ZNF101: variants seen among roughly 807,000 people sequenced by gnomAD.
ZNF101 encodes zinc finger protein 101.
A neutral mutation model predicts 42.6 loss-of-function variants in ZNF101; 34 were observed. That is an observed-to-expected ratio of 0.80 (90% confidence interval 0.61 to 1.06). The LOEUF is 1.06. ZNF101 is among the 50% of genes least tolerant of loss of function. The pLI is 0.00. For synonymous variants in ZNF101, 158 were observed against 183.9 expected (o/e 0.86, Z 1.14); for missense variants, 466 against 530.9 (o/e 0.88, Z 1.20).
rs1217686762 is a variant in ZNF101 at position 19,677,908 on chromosome 19, G to A, written c.48G>A (p.Glu16=). ...FEDVAVNFTQ[E]EWALLSPSQK... is the part of the protein sequence containing the mutation. ...ATGTGGCTGTGAACTTCACCCAGGA[G>A]GAGTGGGCTTTGCTGAGTCCTTCCC... Residue 16 remains glutamate, a synonymous_variant, in exon 2 of 4, where the codon GAG becomes GAA. Transcript: ENST00000592502. 1 of 1,612,594 alleles carries A rather than the reference G, an allele frequency of 6.2e-7. No homozygotes were observed. Among genetic ancestry groups the A allele is most frequent in the South Asian group, 1.1e-5 (1 of 91,064 alleles).
rs770033379 is a variant in ZNF101, at chr19:19,678,074, A to T, written c.130+84A>T. On this transcript the variant is annotated intron_variant, in intron 2 of 3. Coordinates refer to ENST00000592502, the MANE Select transcript of ZNF101 (RefSeq NM_033204.4). ...TGTGGTTGCACAGTTTGGAATGTGG[A>T]AAGAGAATACGTTGGTGAATAAATG... 49 of 1,561,626 alleles carry T rather than the reference A, an allele frequency of 3.1e-5. 1 individual carries two copies. In the Middle Eastern group the frequency reaches 1.4e-3, roughly 44 times the overall value.
chr19:19,681,453 A>ATG lies in ZNF101; in HGVS notation c.*1153_*1154insTG, dbSNP rs1233798477. The ATG allele has an allele frequency of 6.6e-6, 1 of 152,238 alleles. No individual in the cohort carries two copies. Among genetic ancestry groups the ATG allele is most frequent in the Non-Finnish European group, 1.5e-5 (1 of 68,050 alleles). The allele number at this position is 152,238 out of a possible 1,614,324, so 9.4% of individuals were successfully genotyped here. A position where few individuals can be genotyped will look rare whatever the true frequency, so the allele number is the denominator to read the frequency against. ...TACAGGAAACTTCCATTTTAACAAT[A>ATG]ATTAAAATTCACATGGGCTGTGCAC... On this transcript the variant is annotated 3_prime_UTR_variant, in exon 4 of 4. Transcript: ENST00000592502.
chr19:19,679,483 G>T lies in ZNF101; in HGVS notation c.494G>T (p.Arg165Leu). Reference protein sequence around the residue: ...SGARRTVTPTRKRPYECKVCG... With the variant: ...SGARRTVTPTLKRPYECKVCG... ...GCACGGCGCACAGTAACACCAACTCGAAAGAGACCTTATGAATGCAAGGTG... is the reference window on the plus strand; with the variant it reads ...GCACGGCGCACAGTAACACCAACTCTAAAGAGACCTTATGAATGCAAGGTG... The change falls in exon 4 of 4, where the codon CGA becomes CTA. Residue 165 changes from arginine (R) to leucine (L), a missense_variant. Physicochemically the swap from Arg to Leu is moderately radical, Grantham distance 102. Coordinates refer to ENST00000592502, the MANE Select transcript of ZNF101 (RefSeq NM_033204.4). The T allele has an allele frequency of 1.2e-6, 2 of 1,614,098 alleles. No individual in the cohort carries two copies. The highest frequency in any genetic ancestry group is 1.7e-6 in the Non-Finnish European group (2 of 1,180,028).
chr19:19,676,376 A>G (rs2062203050), intron 1 of ZNF101: 1 of 151,758 alleles, frequency 6.6e-6, no homozygotes, highest in Non-Finnish European at 1.5e-5. Context: ...ACTACTCTAC[A>G]TGCCTGCTCT....
chr19:19,670,560 C>T (rs536666467), intron 1 of ZNF101, among the ~76,000 whole-genome samples: 19 of 151,570 alleles, frequency 1.3e-4, no homozygotes, highest in African/African-American at 3.1e-4. Flanking sequence ...AGTTTGAGAC[C>T]ATCCTGGGCA....
Position 19,668,902 on chromosome 19 carries a change from G to C in ZNF101, c.-62G>C. On this transcript the variant is annotated 5_prime_UTR_variant, in exon 1 of 4. Coordinates refer to ENST00000592502, the MANE Select transcript of ZNF101 (RefSeq NM_033204.4). ...TGCCCCGGATACGGCTGATTTTGTC[G>C]TGTGGGACCTGTTCTGGCTGCTCCA... is the stretch of plus-strand genomic sequence containing the variant. The C allele has an allele frequency of 1.0e-5, 16 of 1,537,126 alleles. No homozygotes were observed. The highest frequency in any genetic ancestry group is 1.4e-5 in the African/African-American group (1 of 72,762).
In ZNF101 at chr19:19,673,597, G is replaced by A. The variant is rs529843289; in HGVS notation, c.4-4267G>A. ...ATGAACACAAGATATTTTTCAATTTGTCTTTAATTTCATTCAGCAACATTT... is the reference window on the plus strand; with the variant it reads ...ATGAACACAAGATATTTTTCAATTTATCTTTAATTTCATTCAGCAACATTT... On this transcript the variant is annotated intron_variant, in intron 1 of 3. Coordinates refer to ENST00000592502, the MANE Select transcript of ZNF101 (RefSeq NM_033204.4). Among the ~76,000 whole-genome samples the A allele has an allele frequency of 8.0e-5, 12 of 149,194 alleles. No homozygotes were observed. The South Asian group carries it at 2.6e-3, about 32-fold the overall frequency.
chr19:19,668,624 G>T (rs2145038505), upstream of ZNF101, among the ~76,000 whole-genome samples: 1 of 152,272 alleles, frequency 6.6e-6, no homozygotes, highest in African/African-American at 2.4e-5. Context: ...CAAGGTCCCA[G>T]CGAGGGGCTG....
upstream of ZNF101, among the ~76,000 whole-genome samples, chr19:19,668,465 C>T (rs556815065): frequency 1.3e-5 from 2 of 152,108 alleles, no homozygotes; most frequent in Non-Finnish European, 2.9e-5. Flanking sequence ...CTGGAAGGGT[C>T]AGTGGGGAGG....
intron 2 of ZNF101, among the ~76,000 whole-genome samples, chr19:19,678,339 G>A (rs1430234349): frequency 6.6e-6 from 1 of 152,092 alleles, no homozygotes; most frequent in Non-Finnish European, 1.5e-5. Flanking sequence ...AGTATTGCTG[G>A]GTGTGATGGC....
At chr19:19,674,920 A>T (rs572333944) in intron 1 of ZNF101, among the ~76,000 whole-genome samples, 98 of 151,904 alleles carry the variant, frequency 6.5e-4, no homozygotes, top group Non-Finnish European at 1.0e-3. Context: ...TCCCAGGTTC[A>T]TGCCATTGTC....
chr19:19,668,757 G>A, upstream of ZNF101: 1 of 559,076 alleles, frequency 1.8e-6, no homozygotes, highest in South Asian at 2.5e-5. Flanking sequence ...GAGGCGCTGT[G>A]CGGCAAACTG....
rs117083934 is a variant in ZNF101, at chr19:19,669,954, T to A, written c.3+988T>A. 2.0e-3 allele frequency among the ~76,000 whole-genome samples: 311 copies of A among 152,090 alleles called. 1 individual carries two copies. The highest frequency in any genetic ancestry group is 3.5e-3 in the Non-Finnish European group (235 of 67,974). On this transcript the variant is annotated intron_variant, in intron 1 of 3. Coordinates refer to ENST00000592502, the MANE Select transcript of ZNF101 (RefSeq NM_033204.4). ...GTGCCTGCCCTCTTTTTACCTTCCC[T>A]AGGCGCGGCCACCTTATCAGACAGT...
upstream of ZNF101, chr19:19,668,697 TC>T (rs1300192881): frequency 1.1e-5 from 5 of 469,830 alleles, no homozygotes; most frequent in African/African-American, 1.0e-4. Context: ...TCCGATCACC[TC>T]TCCTGTCGCT....
At chr19:19,675,146 T>A (rs1011020704) in intron 1 of ZNF101, among the ~76,000 whole-genome samples, 7 of 151,474 alleles carry the variant, frequency 4.6e-5, no homozygotes, top group Admixed American at 6.6e-5. Flanking sequence ...TAATTTATTT[T>A]ATTTTTTTGA....
chr19:19,678,752 G>A lies in ZNF101; in HGVS notation c.157G>A (p.Glu53Lys), dbSNP rs775491120. 1.2e-6 allele frequency: 2 copies of A among 1,611,610 alleles called. No homozygotes were observed. The highest frequency in any genetic ancestry group is 1.7e-6 in the Non-Finnish European group (2 of 1,179,318). Residue 53 changes from glutamate to lysine, a missense_variant, in exon 3 of 4, where the codon GAG (glutamate) becomes AAG (lysine). Transcript: ENST00000592502. ...AATCCAATGGAAAGACCAGGACATT[G>A]AGAATCTGTACCAAAACCTGGGGAT... ...VGIQWKDQDI[E>K]NLYQNLGIKL...
intron 1 of ZNF101, among the ~76,000 whole-genome samples, chr19:19,674,257 A>T (rs550370815): frequency 1.3e-5 from 2 of 152,042 alleles, no homozygotes; most frequent in East Asian, 3.9e-4. Flanking sequence ...GCTCACTGCA[A>T]CCTCTGCCTC....
rs537123264 is a variant in ZNF101 at position 19,671,909 on chromosome 19, A to G, written c.3+2943A>G. 6.9e-4 allele frequency among the ~76,000 whole-genome samples: 105 copies of G among 151,984 alleles called. 3 individuals carry two copies. In the South Asian group the frequency reaches 0.021, roughly 30 times the overall value. ...TGTTCTTTTCTAAAAATTGACTTCA[A>G]CGGCTTGTAACAGCAATTCAAGATG... On this transcript the variant is annotated intron_variant, in intron 1 of 3. Coordinates refer to ENST00000592502, the MANE Select transcript of ZNF101 (RefSeq NM_033204.4).
upstream of ZNF101, among the ~76,000 whole-genome samples, chr19:19,668,489 G>GC (rs1180653808): frequency 1.3e-5 from 2 of 152,178 alleles, no homozygotes; most frequent in East Asian, 3.9e-4. Context: ...TCTACTTCTA[G>GC]CCCGGGGGGA....
Sources: gnomAD v4.1 joint callset for allele counts (sites outside exome capture counted in the v4.1 genomes callset) on GRCh38, gnomAD v4.1.1 for gene constraint, MANE v1.5 for transcripts, NCBI Gene and HGNC (gene_info 2026-07-23, HGNC 2026-07-21) for gene names.